MCF2L2: variants seen among roughly 807,000 people sequenced by gnomAD.
The protein encoded by MCF2L2 is probable guanine nucleotide exchange factor MCF2L2.
MCF2L2 carries 102 observed loss-of-function variants against 150.2 expected under a neutral mutation model. That is an observed-to-expected ratio of 0.68 (90% CI 0.58 to 0.80). MCF2L2 has a LOEUF of 0.80. MCF2L2 is among the 30% of genes least tolerant of loss of function. MCF2L2 has a pLI of 0.00. For missense variants in MCF2L2, 1,256 were observed against 1,372.8 expected (o/e 0.91, Z 1.34); for synonymous variants, 465 against 491.3 (o/e 0.95, Z 0.71).
chr3:183,270,567 G>A lies in MCF2L2; in HGVS notation c.1862+6305C>T. On this transcript the variant is annotated intron_variant, in intron 15 of 29. Coordinates refer to ENST00000328913, the MANE Select transcript of MCF2L2 (RefSeq NM_015078.4). This position sits in a 1 kb window ranked among gnomAD's most constrained non-coding sequence, Gnocchi z 4.5. ...TTACCCTGACTACACAGCCGGAGCTGCCTATGTAATCTCCGGTGATGTAGC... is the reference window on the plus strand; with the variant it reads ...TTACCCTGACTACACAGCCGGAGCTACCTATGTAATCTCCGGTGATGTAGC... 6.2e-7 allele frequency: 1 copy of A among 1,614,170 alleles called. No homozygotes were observed. The highest frequency in any genetic ancestry group is 1.3e-5 in the African/African-American group (1 of 75,044).
At position 183,363,487 on chromosome 3, in the gene MCF2L2, T is replaced by C. The variant is rs182652769; in HGVS notation, c.275+15810A>G. ...AATATTATTTAGCACTAAAAAGAAA[T>C]GAGCTTTAAGCCATGAGAAGACATG... On this transcript the variant is annotated intron_variant, in intron 3 of 29. Transcript: ENST00000328913. 1.2e-3 allele frequency among the ~76,000 whole-genome samples: 178 copies of C among 152,154 alleles called. 1 individual carries two copies. The Middle Eastern group carries it at 0.017, about 15-fold the overall frequency.
At chr3:183,290,807 C>T (rs1393401617) in intron 13 of MCF2L2, among the ~76,000 whole-genome samples, 2 of 152,192 alleles carry the variant, frequency 1.3e-5, no homozygotes, top group African/African-American at 2.4e-5. Flanking sequence ...GCTGGGATTA[C>T]AGGCGTGAGC....
intron 4 of MCF2L2, 98 bp from the exon 5 acceptor site, chr3:183,339,017 A>T (rs1043741514): frequency 1.6e-6 from 2 of 1,252,488 alleles, no homozygotes; most frequent in African/African-American, 3.0e-5. Context: ...TTAAGATCAC[A>T]GAAGGAAAAG....
chr3:183,261,192 G>GA (rs1204290516), intron 15 of MCF2L2, among the ~76,000 whole-genome samples: 2 of 152,230 alleles, frequency 1.3e-5, no homozygotes, highest in African/African-American at 4.8e-5. Context: ...AATTTATTAA[G>GA]AAAAAATCTA....
chr3:183,317,255 T>G (rs750016886), intron 7 of MCF2L2, among the ~76,000 whole-genome samples: 10 of 152,190 alleles, frequency 6.6e-5, no homozygotes, highest in Non-Finnish European at 1.3e-4. Context: ...ACAGTTCAAC[T>G]CTTCCCAAGT....
In MCF2L2 at chr3:183,289,233, G is replaced by A. The variant is rs3732600; in HGVS notation, c.1676-13C>T. The A allele has an allele frequency of 0.013, 20,552 of 1,540,108 alleles. 273 individuals carry two copies. The highest frequency in any genetic ancestry group is 0.044 in the Middle Eastern group (257 of 5,874). ...CGAGCTAGAGGGACTAAGAGAACCT[G>A]CCATTAGTGTGGTTATTTAACTTAT... On this transcript the variant is annotated splice_polypyrimidine_tract_variant and intron_variant, in intron 13 of 29. Coordinates refer to ENST00000328913, the MANE Select transcript of MCF2L2 (RefSeq NM_015078.4).
At chr3:183,364,282 C>T (rs532411659) in intron 3 of MCF2L2, among the ~76,000 whole-genome samples, 3 of 152,044 alleles carry the variant, frequency 2.0e-5, no homozygotes, top group East Asian at 3.9e-4. Flanking sequence ...TTTGGGAGGG[C>T]GAGGCGGGCG....
chr3:183,319,041 C>T (rs1217816520), intron 6 of MCF2L2, among the ~76,000 whole-genome samples: 1 of 152,166 alleles, frequency 6.6e-6, no homozygotes, highest in Non-Finnish European at 1.5e-5. Context: ...TGAAAGAATT[C>T]TCTGTAGCAT....
At chr3:183,241,229 T>G (rs535457934) in intron 15 of MCF2L2, among the ~76,000 whole-genome samples, 2 of 152,288 alleles carry the variant, frequency 1.3e-5, no homozygotes, top group Admixed American at 6.5e-5. Flanking sequence ...AATAAAAAGT[T>G]TTTTAAAAAG....
intron 3 of MCF2L2, among the ~76,000 whole-genome samples, chr3:183,351,607 CATAGAT>C (rs1158169862): frequency 1.3e-5 from 2 of 152,076 alleles, no homozygotes; most frequent in Non-Finnish European, 1.5e-5. Context: ...ATATGATTGT[CATAGAT>C]ATACTGCACA....
chr3:183,316,324 T>G (rs1434363457), intron 7 of MCF2L2, among the ~76,000 whole-genome samples: 1 of 146,858 alleles, frequency 6.8e-6, no homozygotes, highest in Non-Finnish European at 1.5e-5. Flanking sequence ...TTGTTTTATT[T>G]TGGTGTTTTT....
At chr3:183,348,698 C>A (rs1730996565) in intron 3 of MCF2L2, among the ~76,000 whole-genome samples, 1 of 152,072 alleles carries the variant, frequency 6.6e-6, no homozygotes. Context: ...CATGCTATCA[C>A]TAGTCATAAG....
Position 183,353,443 on chromosome 3 carries a change from G to A in MCF2L2, c.276-11813C>T, listed in dbSNP as rs1711589208. On this transcript the variant is annotated intron_variant, in intron 3 of 29. Transcript: ENST00000328913. The stretch of plus-strand genomic sequence containing the variant: ...CCCGCACTGCTATAAAAATATATCT[G>A]AAGCTGGGTAATTTATTTTTTAAAA... 3.3e-5 allele frequency among the ~76,000 whole-genome samples: 5 copies of A among 152,178 alleles called. No individual in the cohort carries two copies. The South Asian group carries it at 1.0e-3, about 31-fold the overall frequency.
chr3:183,362,872 C>T (rs141956103), intron 3 of MCF2L2, among the ~76,000 whole-genome samples: 245 of 152,114 alleles, frequency 1.6e-3, no homozygotes, highest in African/African-American at 5.6e-3. Flanking sequence ...AATAAGAAGA[C>T]GACACATTTC....
At chr3:183,215,421 C>T (rs867064189) in intron 22 of MCF2L2, among the ~76,000 whole-genome samples, 4 of 152,126 alleles carry the variant, frequency 2.6e-5, no homozygotes, top group African/African-American at 7.2e-5. Flanking sequence ...CAGCCTGCTC[C>T]GGATTAACAC....
intron 27 of MCF2L2, among the ~76,000 whole-genome samples, chr3:183,185,065 ATG>A (rs1721649974): frequency 6.6e-6 from 1 of 152,064 alleles, no homozygotes; most frequent in Non-Finnish European, 1.5e-5. Context: ...CTACAGGCGC[ATG>A]CCACCATGCC....
chr3:183,349,429 G>A (rs1731025087), intron 3 of MCF2L2, among the ~76,000 whole-genome samples: 1 of 151,996 alleles, frequency 6.6e-6, no homozygotes, highest in Non-Finnish European at 1.5e-5. Context: ...CTTCCTTTGT[G>A]ATTTTTTTCT....
intron 27 of MCF2L2, among the ~76,000 whole-genome samples, chr3:183,182,952 T>G (rs1407792337): frequency 6.6e-6 from 1 of 152,024 alleles, no homozygotes; most frequent in Non-Finnish European, 1.5e-5. Flanking sequence ...CTCCTAGAGA[T>G]CATGTTCCCT....
chr3:183,254,133 A>G (rs1400838052), intron 15 of MCF2L2: 1 of 151,500 alleles, frequency 6.6e-6, no homozygotes, highest in Non-Finnish European at 1.5e-5. Flanking sequence ...GGAGGCTCCG[A>G]GTCTGCCCAC....
Sources: gnomAD v4.1 joint callset for allele counts (sites outside exome capture counted in the v4.1 genomes callset) on GRCh38, gnomAD v4.1.1 for gene constraint, Gnocchi (gnomAD v3.1) non-coding constraint, MANE v1.5 for transcripts, NCBI Gene and HGNC (gene_info 2026-07-23, HGNC 2026-07-21) for gene names.